NCOA3: variants seen among roughly 807,000 people sequenced by gnomAD.
NCOA3 encodes nuclear receptor coactivator 3.
NCOA3 carries 51 observed loss-of-function variants against 158.8 expected under a neutral mutation model. The ratio of observed to expected loss-of-function variants is 0.32; its 90% confidence interval spans 0.26 to 0.41. NCOA3 has a LOEUF of 0.41. Ranked by LOEUF, NCOA3 falls within the 10% of genes least tolerant of loss-of-function variation. NCOA3 has a pLI of 1.00. For synonymous variants in NCOA3, 537 were observed against 592.4 expected, an observed-to-expected ratio of 0.91 and a Z score of 1.36; for missense variants, 1,510 against 1,746.6, an observed-to-expected ratio of 0.86 and a Z score of 2.41.
chr20:47,515,093 A>G (rs1460549354), intron 1 of NCOA3, among the ~76,000 whole-genome samples: 1 of 152,094 alleles, frequency 6.6e-6, no homozygotes, highest in Admixed American at 6.6e-5. Context: ...TATAATGTAT[A>G]TTAAGCATTT....
intron 14 of NCOA3, 26 bp downstream of exon 14, chr20:47,639,228 T>A: frequency 1.3e-6 from 2 of 1,556,198 alleles, no homozygotes; most frequent in Non-Finnish European, 1.8e-6. Flanking sequence ...TTAGTATGTA[T>A]GATTATTTTG....
Position 47,647,062 on chromosome 20 carries a change from T to C in NCOA3, c.3253-11T>C. 6.2e-7 allele frequency: 1 copy of C among 1,605,824 alleles called. No individual in the cohort carries two copies. The highest frequency in any genetic ancestry group is 1.3e-5 in the African/African-American group (1 of 74,668). The stretch of plus-strand genomic sequence containing the variant: ...ATGTTCTTCACTGTTCTTTTATGTG[T>C]TGTGTTTAAGGGACAGGCATTAGAG... On this transcript the variant is annotated splice_polypyrimidine_tract_variant and intron_variant, in intron 17 of 22. Coordinates refer to ENST00000371998, the MANE Select transcript of NCOA3 (RefSeq NM_181659.3).
At chr20:47,644,758 C>T (rs762996912) in intron 17 of NCOA3, among the ~76,000 whole-genome samples, 25 of 151,950 alleles carry the variant, frequency 1.6e-4, no homozygotes, top group Non-Finnish European at 3.2e-4. Flanking sequence ...AGTGCAGAAG[C>T]GTGATCTCGG....
chr20:47,636,746 CAG>C lies in NCOA3; in HGVS notation c.2364_2365del (p.Glu788AspfsTer3). On this transcript the variant is annotated frameshift_variant, in exon 12 of 23. Coordinates refer to ENST00000371998, the MANE Select transcript of NCOA3 (RefSeq NM_181659.3). LOFTEE classifies it high-confidence loss of function. ...CAAGAGAAAGACCCTAAAATTAAGA[CAG>C]AGACAAGTGAAGAGGTAATTTGTTT... The C allele has an allele frequency of 6.2e-7, 1 of 1,608,864 alleles. No homozygotes were observed. The highest frequency in any genetic ancestry group is 1.1e-5 in the South Asian group (1 of 90,836).
intron 1 of NCOA3, among the ~76,000 whole-genome samples, chr20:47,534,909 CA>C (rs2084607542): frequency 6.6e-6 from 1 of 151,496 alleles, no homozygotes; most frequent in Non-Finnish European, 1.5e-5. Context: ...AGTGAGACTC[CA>C]TCTCTCTCTT....
intron 1 of NCOA3, among the ~76,000 whole-genome samples, chr20:47,566,238 T>A (rs1211646610): frequency 6.6e-6 from 1 of 152,068 alleles, no homozygotes; most frequent in Non-Finnish European, 1.5e-5. Flanking sequence ...CACCCCTCCC[T>A]TTTTGTTCCC....
At chr20:47,515,732 A>G (rs2084224410) in intron 1 of NCOA3, among the ~76,000 whole-genome samples, 1 of 151,982 alleles carries the variant, frequency 6.6e-6, no homozygotes, top group Non-Finnish European at 1.5e-5. Context: ...CGCCCACCTC[A>G]GCTTCCCAAT....
At chr20:47,563,570 G>T (rs750897924) in intron 1 of NCOA3, among the ~76,000 whole-genome samples, 8 of 152,136 alleles carry the variant, frequency 5.3e-5, no homozygotes, top group Non-Finnish European at 8.8e-5. Context: ...GATGGCTTAT[G>T]CCTGTAATCC....
At chr20:47,552,020 G>A (rs556046230) in intron 1 of NCOA3, among the ~76,000 whole-genome samples, 4 of 152,272 alleles carry the variant, frequency 2.6e-5, no homozygotes, top group African/African-American at 9.6e-5. Context: ...CTGAGGATGA[G>A]GCACTTCTGT....
At chr20:47,508,663 A>G (rs1381368973) in intron 1 of NCOA3, among the ~76,000 whole-genome samples, 1 of 152,252 alleles carries the variant, frequency 6.6e-6, no homozygotes, top group Non-Finnish European at 1.5e-5. Flanking sequence ...CTAAACTGAC[A>G]TTTTTATAAA....
rs71183270 is a variant in NCOA3 at position 47,641,490 on chromosome 20, C to CTTTTTTTTTTTTTTTTTTTT, written c.3081-714_3081-695dup. 4.1e-5 allele frequency among the ~76,000 whole-genome samples: 2 copies of CTTTTTTTTTTTTTTTTTTTT among 48,366 alleles called. 1 individual carries two copies. Among genetic ancestry groups the CTTTTTTTTTTTTTTTTTTTT allele is most frequent in the African/African-American group, 2.4e-4 (2 of 8,404 alleles). 31.7% of individuals were successfully genotyped at this position (48,366 alleles called of 152,430 possible). A position where few individuals can be genotyped will look rare whatever the true frequency, so the allele number is the denominator to read the frequency against. Reference sequence around the variant, plus strand: ...GTCAGCCACCACGCCTGGCTCCCTTCTTTTTTTTTTTTTTTTTTTTTTTTT... The same window carrying CTTTTTTTTTTTTTTTTTTTT: ...GTCAGCCACCACGCCTGGCTCCCTTCTTTTTTTTTTTTTTTTTTTTTTTTTTTTTTTTTTTTTTTTTTTTT... On this transcript the variant is annotated intron_variant, in intron 16 of 22. Coordinates refer to ENST00000371998, the MANE Select transcript of NCOA3 (RefSeq NM_181659.3).
At chr20:47,536,452 G>C (rs1602364237) in intron 1 of NCOA3, among the ~76,000 whole-genome samples, 1 of 152,160 alleles carries the variant, frequency 6.6e-6, no homozygotes, top group Admixed American at 6.5e-5. Context: ...AGAAAGTTTT[G>C]CAAGAAAAGG....
intron 2 of NCOA3, among the ~76,000 whole-genome samples, chr20:47,593,821 C>T (rs1168570704): frequency 6.6e-6 from 1 of 151,884 alleles, no homozygotes; most frequent in Non-Finnish European, 1.5e-5. Flanking sequence ...CTGTTAGAAC[C>T]TTATAAGATA....
intron 12 of NCOA3, 32 bp downstream of exon 12, chr20:47,636,794 T>C (rs1602523840): frequency 1.3e-6 from 2 of 1,528,756 alleles, no homozygotes; most frequent in Non-Finnish European, 1.8e-6. Context: ...TCAGCTCATA[T>C]TTCATCATTT....
intron 2 of NCOA3, among the ~76,000 whole-genome samples, chr20:47,589,955 T>C (rs2085601399): frequency 6.6e-6 from 1 of 151,326 alleles, no homozygotes; most frequent in Non-Finnish European, 1.5e-5. Context: ...ATTTTTTAAT[T>C]TATAAGATGT....
chr20:47,536,673 A>G (rs2084638719), intron 1 of NCOA3, among the ~76,000 whole-genome samples: 1 of 152,128 alleles, frequency 6.6e-6, no homozygotes, highest in Non-Finnish European at 1.5e-5. Context: ...TGTTTTTAAA[A>G]TAGAGATGAG....
In NCOA3 at chr20:47,653,003, C is replaced by T. The variant is rs767925632; in HGVS notation, c.4194C>T (p.Ser1398=). ...AVYSMVHMNG[S]SGHMGQMNMN... is the part of the protein sequence containing the mutation. The stretch of plus-strand genomic sequence containing the variant: ...ATAGTATGGTGCACATGAATGGCAG[C>T]AGTGGTCACATGGGACAGATGAACA... Residue 1398 remains serine (S), a synonymous_variant, in exon 22 of 23, where the codon AGC becomes AGT. Transcript: ENST00000371998. 1.9e-6 allele frequency: 3 copies of T among 1,614,174 alleles called. No individual in the cohort carries two copies. Among genetic ancestry groups the T allele is most frequent in the Admixed American group, 1.7e-5 (1 of 60,024 alleles).
intron 1 of NCOA3, among the ~76,000 whole-genome samples, chr20:47,526,826 A>G (rs1267860677): frequency 1.3e-5 from 2 of 152,090 alleles, no homozygotes; most frequent in Non-Finnish European, 2.9e-5. Flanking sequence ...TATTTTTAGT[A>G]GAGATAGGGC....
intron 1 of NCOA3, among the ~76,000 whole-genome samples, chr20:47,532,787 T>C (rs963961191): frequency 6.6e-6 from 1 of 152,114 alleles, no homozygotes; most frequent in Non-Finnish European, 1.5e-5. Flanking sequence ...GCAGATTTTT[T>C]AATTGTATTT....
Sources: allele counts gnomAD v4.1 joint callset (sites outside exome capture counted in the v4.1 genomes callset), GRCh38; gene constraint gnomAD v4.1.1; transcripts MANE v1.5; gene names NCBI Gene and HGNC (gene_info 2026-07-23, HGNC 2026-07-21).